ABCB5: variants seen among roughly 807,000 people sequenced by gnomAD.
ABCB5 encodes ATP binding cassette subfamily B member 5.
A neutral mutation model predicts 144.2 loss-of-function variants in ABCB5; 155 were observed. The observed-to-expected ratio is 1.08, with a 90% CI of 0.94 to 1.23. The LOEUF (loss-of-function observed/expected upper bound fraction) is 1.23, where lower values mean the gene tolerates loss of function less well. Ranked by LOEUF, ABCB5 falls within the 50% of genes most tolerant of loss-of-function variation. ABCB5 has a pLI of 0.00. For synonymous variants in ABCB5, 610 were observed against 528.6 expected, an observed-to-expected ratio of 1.15 and a Z score of -2.11; for missense variants, 1,830 against 1,520.8, an observed-to-expected ratio of 1.20 and a Z score of -3.38.
chr7:20,705,279 T>C (rs960189548), intron 20 of ABCB5, among the ~76,000 whole-genome samples: 2 of 152,226 alleles, frequency 1.3e-5, no homozygotes, highest in Non-Finnish European at 2.9e-5. Flanking sequence ...TAAAAAGAAT[T>C]GTGTAATCAT....
At chr7:20,745,838 C>A (rs1302080721) in intron 26 of ABCB5, among the ~76,000 whole-genome samples, 1 of 152,216 alleles carries the variant, frequency 6.6e-6, no homozygotes, top group Non-Finnish European at 1.5e-5. Context: ...CTATCCCTCC[C>A]CTGCTCACAA....
rs1466120930 is a variant in ABCB5, at chr7:20,647,650, T to C, written c.1095+2T>C. ...CATATTTTCCAGGTTATTGATAAGG[T>C]AAGACCTCTTATTGCTTTGAAGAAT... is the stretch of plus-strand genomic sequence containing the variant. On this transcript the variant is annotated splice_donor_variant, in intron 10 of 27. Coordinates refer to ENST00000404938, the MANE Select transcript of ABCB5 (RefSeq NM_001163941.2). LOFTEE classifies it high-confidence loss of function. 1 of 1,558,618 alleles carries C rather than the reference T, an allele frequency of 6.4e-7. No homozygotes were observed. Among genetic ancestry groups the C allele is most frequent in the East Asian group, 2.4e-5 (1 of 42,546 alleles).
intron 16 of ABCB5, among the ~76,000 whole-genome samples, chr7:20,688,535 T>C (rs1193076488): frequency 6.6e-6 from 1 of 152,144 alleles, no homozygotes; most frequent in Non-Finnish European, 1.5e-5. Context: ...TGTAAACTAG[T>C]TCAACCATTG....
chr7:20,689,253 C>T lies in ABCB5; in HGVS notation c.2010+3417C>T, dbSNP rs1786122729. ...CGATGATCCCTTTCTTCTCTCCCAG[C>T]AAGGCGGAGAGGCAGGCCTCAATGG... On this transcript the variant is annotated intron_variant, in intron 16 of 27. Transcript: ENST00000404938. Among the ~76,000 whole-genome samples, 5 of 152,182 alleles carry T rather than the reference C, an allele frequency of 3.3e-5. No individual in the cohort carries two copies. The South Asian group carries it at 1.0e-3, about 31-fold the overall frequency.
intron 3 of ABCB5, among the ~76,000 whole-genome samples, chr7:20,628,439 C>G (rs1783958689): frequency 1.3e-5 from 2 of 152,088 alleles, no homozygotes; most frequent in African/African-American, 4.8e-5. Context: ...TCCAAGTCTG[C>G]TATTGTGAAT....
intron 14 of ABCB5, among the ~76,000 whole-genome samples, chr7:20,677,804 C>T (rs1226571627): frequency 6.6e-6 from 1 of 152,180 alleles, no homozygotes; most frequent in East Asian, 1.9e-4. Context: ...GTTTAAATGA[C>T]TCCCTTAATA....
intron 14 of ABCB5, among the ~76,000 whole-genome samples, chr7:20,681,006 CTTTCTTTCTTTCTTTCTT>C (rs1785784067): frequency 2.4e-4 from 2 of 8,192 alleles, no homozygotes; most frequent in African/African-American, 6.9e-4. Context: ...TTCTTTCTTT[CTTTCTTTCTTTCTTTCTT>C]TCTTTCTTTC....
At chr7:20,667,201 T>G (rs913064372) in intron 14 of ABCB5, 2 of 910,600 alleles carry the variant, frequency 2.2e-6, no homozygotes, top group Non-Finnish European at 2.6e-6. Context: ...ATAAGTTAAA[T>G]TGTAACATAA....
intron 26 of ABCB5, among the ~76,000 whole-genome samples, chr7:20,746,829 A>C (rs958500588): frequency 1.3e-5 from 2 of 152,232 alleles, no homozygotes; most frequent in East Asian, 3.8e-4. Context: ...AGATATTTTC[A>C]TGTAGGGGCG....
At chr7:20,705,602 T>C (rs183452076) in intron 20 of ABCB5, among the ~76,000 whole-genome samples, 1 of 152,282 alleles carries the variant, frequency 6.6e-6, no homozygotes, top group East Asian at 1.9e-4. Context: ...TTCCTTATCA[T>C]GCATTTGGGA....
intron 27 of ABCB5, 113 bp from the exon 28 acceptor site, chr7:20,755,314 G>C: frequency 1.2e-6 from 1 of 860,966 alleles, no homozygotes; most frequent in African/African-American, 1.7e-5. Context: ...AGTTCCTTTG[G>C]GGACAAGCAA....
At chr7:20,618,260 C>T (rs1216995042) in intron 1 of ABCB5, among the ~76,000 whole-genome samples, 1 of 152,086 alleles carries the variant, frequency 6.6e-6, no homozygotes, top group Non-Finnish European at 1.5e-5. Flanking sequence ...TATGGATTTG[C>T]CTGCTCTAGG....
intron 13 of ABCB5, 30 bp from the exon 14 acceptor site, chr7:20,658,476 T>A: frequency 6.2e-7 from 1 of 1,607,322 alleles, no homozygotes; most frequent in Non-Finnish European, 8.5e-7. Context: ...CTGCCTTCTG[T>A]TTCTGTGCTT....
chr7:20,743,698 C>G (rs575732654), intron 25 of ABCB5, among the ~76,000 whole-genome samples: 63 of 152,240 alleles, frequency 4.1e-4, no homozygotes, highest in African/African-American at 1.5e-3. Context: ...ACAAAGCTTC[C>G]TGTCCTGCCT....
chr7:20,702,297 C>T (rs1016498666), intron 19 of ABCB5, among the ~76,000 whole-genome samples: 9 of 152,026 alleles, frequency 5.9e-5, no homozygotes, highest in Admixed American at 4.6e-4. Context: ...TCCCCATTTC[C>T]CTCTAAATTA....
In ABCB5 at chr7:20,742,970, A is replaced by G. The variant is rs1401854270; in HGVS notation, c.3118A>G (p.Ile1040Val). 1 of 1,614,142 alleles carries G rather than the reference A, an allele frequency of 6.2e-7. No homozygotes were observed. Among genetic ancestry groups the G allele is most frequent in the South Asian group, 1.1e-5 (1 of 91,074 alleles). ...VFILRGLSLS[I>V]ERGKTVAFVG... Reference sequence around the variant, plus strand: ...CATCCTCCGTGGCTTATCCCTCAGTATTGAGCGAGGAAAGACAGTAGCATT... The same window carrying G: ...CATCCTCCGTGGCTTATCCCTCAGTGTTGAGCGAGGAAAGACAGTAGCATT... Residue 1040 changes from isoleucine to valine, a missense_variant, in exon 25 of 28, where the codon ATT becomes GTT. Physicochemically the swap from Ile to Val is conservative, Grantham distance 29. Transcript: ENST00000404938.
intron 23 of ABCB5, among the ~76,000 whole-genome samples, chr7:20,735,740 C>A (rs1382281260): frequency 2.6e-5 from 4 of 152,188 alleles, no homozygotes; most frequent in Non-Finnish European, 5.9e-5. Flanking sequence ...CCATTCCAGC[C>A]AGCTTTCCAC....
intron 20 of ABCB5, among the ~76,000 whole-genome samples, chr7:20,717,328 C>G (rs544330728): frequency 6.6e-6 from 1 of 152,022 alleles, no homozygotes; most frequent in Admixed American, 6.6e-5. Flanking sequence ...ACAAGATGTC[C>G]GCACGATTGG....
chr7:20,663,961 G>A lies in ABCB5; in HGVS notation c.1707+5285G>A, dbSNP rs1477573300. Among the ~76,000 whole-genome samples the A allele has an allele frequency of 4.6e-5, 7 of 151,380 alleles. No homozygotes were observed. The East Asian group carries it at 7.7e-4, about 17-fold the overall frequency. On this transcript the variant is annotated intron_variant, in intron 14 of 27. Transcript: ENST00000404938. ...GAACTCCTGACCTCAAATGATCCAC[G>A]CGCCTCGGCCTCCCAAAGTGCTGGG...
Sources: allele counts gnomAD v4.1 joint callset (sites outside exome capture counted in the v4.1 genomes callset), GRCh38; gene constraint gnomAD v4.1.1; transcripts MANE v1.5; gene names NCBI Gene and HGNC (gene_info 2026-07-23, HGNC 2026-07-21).